Variants in SMYD3 observed in about 807,000 individuals in gnomAD.
The protein encoded by SMYD3 is histone-lysine N-methyltransferase SMYD3.
Under a neutral mutation model 57.7 loss-of-function variants are expected in SMYD3, and 36 were observed. The ratio of observed to expected loss-of-function variants is 0.62; its 90% CI spans 0.48 to 0.82. SMYD3 has a LOEUF of 0.82. SMYD3 is among the 40% of genes least tolerant of loss of function. The pLI is 0.00. For synonymous variants in SMYD3, 211 were observed against 195.0 expected, an observed-to-expected ratio of 1.08 and a Z score of -0.68; for missense variants, 515 against 538.8, an observed-to-expected ratio of 0.96 and a Z score of 0.44.
At chr1:245,971,167 A>T (rs2148027623) in intron 5 of SMYD3, among the ~76,000 whole-genome samples, 1 of 152,302 alleles carries the variant, frequency 6.6e-6, no homozygotes, top group South Asian at 2.1e-4. Flanking sequence ...TGAAGCTGGA[A>T]ACCATCATTC....
In SMYD3 at chr1:245,762,549, C is replaced by T. The variant is rs1243692033; in HGVS notation, c.1185+1492G>A. 4.6e-5 allele frequency among the ~76,000 whole-genome samples: 7 copies of T among 152,296 alleles called. No individual in the cohort carries two copies. In the East Asian group the frequency reaches 1.4e-3, roughly 29 times the overall value. ...AGGAAAGTTCTCCCTGAGGCTGCAACAGACGGTGCGGTGTTCTTCCCCCGC... is the reference window on the plus strand; with the variant it reads ...AGGAAAGTTCTCCCTGAGGCTGCAATAGACGGTGCGGTGTTCTTCCCCCGC... On this transcript the variant is annotated intron_variant, in intron 11 of 11. Coordinates refer to ENST00000490107, the MANE Select transcript of SMYD3 (RefSeq NM_001167740.2).
intron 2 of SMYD3, among the ~76,000 whole-genome samples, chr1:246,337,656 G>T (rs1291539993): frequency 6.6e-6 from 1 of 152,136 alleles, no homozygotes; most frequent in Non-Finnish European, 1.5e-5. Flanking sequence ...CTGTTCAAAT[G>T]CCTCAGTGTC....
chr1:246,200,920 C>A (rs181053111), intron 5 of SMYD3, among the ~76,000 whole-genome samples: 1 of 152,208 alleles, frequency 6.6e-6, no homozygotes, highest in Non-Finnish European at 1.5e-5. Context: ...CTTATCAAAG[C>A]ATCATGTGAA....
chr1:246,310,894 T>C (rs1233850640), intron 5 of SMYD3, among the ~76,000 whole-genome samples: 1 of 151,902 alleles, frequency 6.6e-6, no homozygotes, highest in Admixed American at 6.6e-5. Context: ...GGTCTCGAAC[T>C]CCTGACCTCG....
At chr1:245,884,443 G>T (rs2052969741) in intron 8 of SMYD3, among the ~76,000 whole-genome samples, 2 of 152,144 alleles carry the variant, frequency 1.3e-5, no homozygotes, top group African/African-American at 2.4e-5. Context: ...ATGCATGGGG[G>T]TTTTTATAGA....
chr1:246,405,731 AC>A (rs1368481412), intron 1 of SMYD3, among the ~76,000 whole-genome samples: 22 of 151,432 alleles, frequency 1.5e-4, no homozygotes, highest in South Asian at 1.0e-3. Context: ...ATACGATGAA[AC>A]CCCGTCTCTA....
At chr1:246,255,917 C>T (rs943383820) in intron 5 of SMYD3, among the ~76,000 whole-genome samples, 1 of 130,270 alleles carries the variant, frequency 7.7e-6, no homozygotes, top group African/African-American at 2.8e-5. Context: ...CTTAGAGGGA[C>T]ATAACTAATA....
rs574901637 is a variant in SMYD3 at position 246,038,304 on chromosome 1, C to T, written c.532-108367G>A. ...AAAGAGTTAGTAAAACCACAGGAAA[C>T]TCAAAGAGGAAAGACTGTACCTTAA... On this transcript the variant is annotated intron_variant, in intron 5 of 11. Coordinates refer to ENST00000490107, the MANE Select transcript of SMYD3 (RefSeq NM_001167740.2). Among the ~76,000 whole-genome samples the T allele has an allele frequency of 4.6e-5, 7 of 152,202 alleles. No individual in the cohort carries two copies. The South Asian group carries it at 1.5e-3, about 32-fold the overall frequency.
chr1:245,859,127 CTG>C (rs1238537987), intron 9 of SMYD3, among the ~76,000 whole-genome samples: 1 of 152,142 alleles, frequency 6.6e-6, no homozygotes, highest in Non-Finnish European at 1.5e-5. Flanking sequence ...ATGTTTGCTT[CTG>C]TGTTACCTGA....
intron 5 of SMYD3, among the ~76,000 whole-genome samples, chr1:246,100,115 G>A (rs775595600): frequency 1.4e-4 from 21 of 152,190 alleles, no homozygotes; most frequent in Admixed American, 1.1e-3. Flanking sequence ...GGAGGCTGAG[G>A]TAAGAGGATC....
intron 8 of SMYD3, among the ~76,000 whole-genome samples, chr1:245,867,303 G>A (rs112999589): frequency 2.6e-5 from 4 of 152,280 alleles, no homozygotes; most frequent in African/African-American, 9.6e-5. Context: ...CCTTGATTTT[G>A]GCCTTCTGAG....
chr1:246,155,895 G>A (rs2062015237), intron 5 of SMYD3, among the ~76,000 whole-genome samples: 2 of 152,012 alleles, frequency 1.3e-5, no homozygotes, highest in African/African-American at 4.8e-5. Flanking sequence ...GCTGAGGCAG[G>A]AGAATCGCTT....
At chr1:246,323,984 A>G (rs2065293759) in intron 5 of SMYD3, among the ~76,000 whole-genome samples, 1 of 152,210 alleles carries the variant, frequency 6.6e-6, no homozygotes, top group Non-Finnish European at 1.5e-5. Context: ...TGATAGAAAC[A>G]TGAAGATTCA....
chr1:246,186,681 G>GA, intron 5 of SMYD3: 2 of 904,356 alleles, frequency 2.2e-6, no homozygotes, highest in Non-Finnish European at 2.6e-6. Flanking sequence ...CTTGACCTGT[G>GA]AGAGTCTGGC....
intron 5 of SMYD3, among the ~76,000 whole-genome samples, chr1:245,949,836 C>CAAG (rs2057563862): frequency 7.0e-6 from 1 of 143,258 alleles, no homozygotes. Context: ...CCCCCCCCAC[C>CAAG]CCCACCCAAC....
intron 5 of SMYD3, among the ~76,000 whole-genome samples, chr1:246,083,107 G>A (rs1278120941): frequency 6.6e-6 from 1 of 151,948 alleles, no homozygotes; most frequent in East Asian, 1.9e-4. Flanking sequence ...CACCCGTAAA[G>A]GGTCTGTGCT....
At position 246,185,466 on chromosome 1, in the gene SMYD3, TTTTTTTG is replaced by T. The variant is rs1446271636; in HGVS notation, c.531+141728_531+141734del. Among the ~76,000 whole-genome samples the T allele has an allele frequency of 7.1e-3, 763 of 107,634 alleles. 24 individuals carry two copies. Among genetic ancestry groups the T allele is most frequent in the African/African-American group, 0.032 (652 of 20,418 alleles). The allele number at this position is 107,634 out of a possible 152,430, so 70.6% of individuals were successfully genotyped here. On this transcript the variant is annotated intron_variant, in intron 5 of 11. Transcript: ENST00000490107. ...TAGTGATTCTTTTTTTTTTTTTTTT[TTTTTTTG>T]AGACGGAGTTTTGCTCTGTCGCCCA...
At chr1:246,190,865 A>G (rs2062726774) in intron 5 of SMYD3, among the ~76,000 whole-genome samples, 1 of 152,136 alleles carries the variant, frequency 6.6e-6, no homozygotes, top group Non-Finnish European at 1.5e-5. Flanking sequence ...AGAACAGAAG[A>G]AGGAAAGCAA....
In SMYD3 at chr1:246,108,350, C is replaced by T. The variant is rs139630058; in HGVS notation, c.532-178413G>A. Among the ~76,000 whole-genome samples the T allele has an allele frequency of 1.8e-3, 268 of 152,272 alleles. 1 individual carries two copies. Among genetic ancestry groups the T allele is most frequent in the Middle Eastern group, 6.8e-3 (2 of 294 alleles). On this transcript the variant is annotated intron_variant, in intron 5 of 11. Transcript: ENST00000490107. ...GCTATCCAAATAGGGTCACAGGTTA[C>T]GCTATGAATACAGGTATCACATCAG...
Sources: allele counts gnomAD v4.1 joint callset (sites outside exome capture counted in the v4.1 genomes callset), GRCh38; gene constraint gnomAD v4.1.1; transcripts MANE v1.5; gene names NCBI Gene and HGNC (gene_info 2026-07-23, HGNC 2026-07-21).